The following GRIA4 variants were observed in gnomAD, a reference collection of about 807,000 sequenced individuals.
GRIA4 encodes the protein glutamate receptor 4.
A neutral mutation model predicts 104.0 loss-of-function variants in GRIA4; 34 were observed. The observed-to-expected ratio is 0.33, with a 90% CI of 0.25 to 0.44. GRIA4 has a LOEUF of 0.44. Among genes scored for constraint, GRIA4 ranks in the 20% least tolerant of loss-of-function variants. The pLI, the probability that GRIA4 is intolerant of heterozygous loss-of-function variation, is 1.00. For missense variants in GRIA4, 750 were observed against 1,096.5 expected (o/e 0.68, Z 4.46); for synonymous variants, 386 against 381.9 (o/e 1.01, Z -0.13).
At chr11:105,888,592 T>C (rs1332624092) in intron 6 of GRIA4, among the ~76,000 whole-genome samples, 1 of 152,018 alleles carries the variant, frequency 6.6e-6, no homozygotes, top group African/African-American at 2.4e-5. Context: ...GGCCTCCTTT[T>C]TCTATTTTTA....
At chr11:105,636,445 T>C (rs558780893) in intron 3 of GRIA4, among the ~76,000 whole-genome samples, 1 of 152,306 alleles carries the variant, frequency 6.6e-6, no homozygotes, top group African/African-American at 2.4e-5. Context: ...TCCTTTACTT[T>C]CCTTACCCTA....
At chr11:105,685,266 G>T (rs1952842899) in intron 3 of GRIA4, among the ~76,000 whole-genome samples, 1 of 152,058 alleles carries the variant, frequency 6.6e-6, no homozygotes, top group African/African-American at 2.4e-5. Flanking sequence ...ATGCTCACCA[G>T]CTGCAGCCTA....
In GRIA4 at chr11:105,888,271, C is replaced by CTTTTTTTTTTTTTTTTTT. The variant is rs71469040; in HGVS notation, c.726+712_726+729dup. On this transcript the variant is annotated intron_variant, in intron 6 of 16. Transcript: ENST00000282499. ...TTGGAGAAGTTAAGGATGTTTTCTCCTTTTTTTTTTTTTTTTTTTTTTTTT... is the reference window on the plus strand; with the variant it reads ...TTGGAGAAGTTAAGGATGTTTTCTCCTTTTTTTTTTTTTTTTTTTTTTTTTTTTTTTTTTTTTTTTTTT... 9.2e-5 allele frequency among the ~76,000 whole-genome samples: 5 copies of CTTTTTTTTTTTTTTTTTT among 54,560 alleles called. 2 individuals are homozygous for CTTTTTTTTTTTTTTTTTT. The highest frequency in any genetic ancestry group is 4.0e-4 in the African/African-American group (5 of 12,514). 35.8% of individuals were successfully genotyped at this position (54,560 alleles called of 152,430 possible). A position where few individuals can be genotyped will look rare whatever the true frequency, so the allele number is the denominator to read the frequency against.
chr11:105,644,319 C>G (rs182488633), intron 3 of GRIA4, among the ~76,000 whole-genome samples: 23 of 152,024 alleles, frequency 1.5e-4, no homozygotes, highest in African/African-American at 5.1e-4. Flanking sequence ...AGGCCAGGCA[C>G]CTTTGGCTCG....
intron 14 of GRIA4, among the ~76,000 whole-genome samples, chr11:105,948,603 T>G (rs1240303669): frequency 7.1e-6 from 1 of 140,712 alleles, no homozygotes; most frequent in Non-Finnish European, 1.5e-5. Flanking sequence ...TTGTTTTTTT[T>G]TTTTTTTTTT....
intron 3 of GRIA4, among the ~76,000 whole-genome samples, chr11:105,635,712 T>G (rs953757987): frequency 6.6e-6 from 1 of 152,164 alleles, no homozygotes; most frequent in Non-Finnish European, 1.5e-5. Flanking sequence ...TCCCTTTCAG[T>G]GACCCTCATC....
intron 3 of GRIA4, among the ~76,000 whole-genome samples, chr11:105,746,579 C>T (rs73630137): frequency 0.026 from 3,991 of 152,012 alleles, 193 homozygotes; most frequent in African/African-American, 0.09. Flanking sequence ...ATGCCAAACA[C>T]AAAGTTGGAT....
At chr11:105,691,991 C>A (rs1176492267) in intron 3 of GRIA4, among the ~76,000 whole-genome samples, 5 of 139,776 alleles carry the variant, frequency 3.6e-5, no homozygotes, top group African/African-American at 1.1e-4. Context: ...TATTGTAAAA[C>A]TATGCATTAA....
chr11:105,666,935 C>A (rs562953422), intron 3 of GRIA4, among the ~76,000 whole-genome samples: 1 of 151,710 alleles, frequency 6.6e-6, no homozygotes, highest in South Asian at 2.1e-4. Context: ...TTGCAGCACA[C>A]GGTCTGTGCA....
chr11:105,780,401 A>G (rs191075367), intron 4 of GRIA4, among the ~76,000 whole-genome samples: 93 of 152,290 alleles, frequency 6.1e-4, no homozygotes, highest in Admixed American at 2.3e-3. Context: ...TAGAGTACCT[A>G]TTTCTGTCAA....
At chr11:105,649,902 GA>G (rs1375778441) in intron 3 of GRIA4, among the ~76,000 whole-genome samples, 1 of 151,888 alleles carries the variant, frequency 6.6e-6, no homozygotes, top group Non-Finnish European at 1.5e-5. Flanking sequence ...TTGAAATAAT[GA>G]ATCTCCCATA....
intron 4 of GRIA4, among the ~76,000 whole-genome samples, chr11:105,778,174 C>T (rs972203542): frequency 1.3e-5 from 2 of 152,168 alleles, no homozygotes; most frequent in Non-Finnish European, 2.9e-5. Flanking sequence ...GTAAAGAATT[C>T]TCCCTGTCCA....
intron 4 of GRIA4, among the ~76,000 whole-genome samples, chr11:105,790,542 A>G (rs767344123): frequency 2.0e-5 from 3 of 152,186 alleles, no homozygotes; most frequent in Non-Finnish European, 2.9e-5. Context: ...GCAAGCACGG[A>G]GAATTAATAA....
rs75464390 is a variant in GRIA4 at position 105,672,742 on chromosome 11, C to T, written c.247+60308C>T. On this transcript the variant is annotated intron_variant, in intron 3 of 16. Coordinates refer to ENST00000282499, the MANE Select transcript of GRIA4 (RefSeq NM_000829.4). The stretch of plus-strand genomic sequence containing the variant: ...TTTCACCCAGAGACCCAGCCATACA[C>T]ACAATTTACCTGCAAGTACTGTAAG... 4.6e-3 allele frequency among the ~76,000 whole-genome samples: 705 copies of T among 152,148 alleles called. 4 individuals carry two copies. Among genetic ancestry groups the T allele is most frequent in the Non-Finnish European group, 7.2e-3 (492 of 68,002 alleles).
At chr11:105,708,158 C>T (rs1953774942) in intron 3 of GRIA4, among the ~76,000 whole-genome samples, 2 of 151,862 alleles carry the variant, frequency 1.3e-5, no homozygotes, top group Non-Finnish European at 2.9e-5. Flanking sequence ...TACTTTTGGA[C>T]AAAAAGACAT....
chr11:105,938,434 C>G (rs569117730), intron 14 of GRIA4, among the ~76,000 whole-genome samples: 1 of 152,186 alleles, frequency 6.6e-6, no homozygotes, highest in South Asian at 2.1e-4. Flanking sequence ...AAGCTGAGTA[C>G]TGAGTATACT....
At chr11:105,832,099 T>C (rs1275322497) in intron 4 of GRIA4, among the ~76,000 whole-genome samples, 1 of 151,852 alleles carries the variant, frequency 6.6e-6, no homozygotes, top group Non-Finnish European at 1.5e-5. Context: ...ATCATCAAAG[T>C]AAAACAGGTT....
intron 4 of GRIA4, among the ~76,000 whole-genome samples, chr11:105,823,172 C>T (rs1468105979): frequency 1.3e-5 from 2 of 152,094 alleles, no homozygotes; most frequent in Non-Finnish European, 2.9e-5. Flanking sequence ...GCTTACAAAA[C>T]TTCATTTGGA....
intron 13 of GRIA4, among the ~76,000 whole-genome samples, chr11:105,929,080 C>A (rs1018884896): frequency 2.0e-5 from 3 of 152,036 alleles, no homozygotes; most frequent in Admixed American, 6.6e-5. Flanking sequence ...CCTGGCAACA[C>A]GCTTTCAGGA....
Sources: gnomAD v4.1 joint callset for allele counts (sites outside exome capture counted in the v4.1 genomes callset) on GRCh38, gnomAD v4.1.1 for gene constraint, MANE v1.5 for transcripts, NCBI Gene and HGNC (gene_info 2026-07-23, HGNC 2026-07-21) for gene names.